ELMO1: variants seen among roughly 807,000 people sequenced by gnomAD.
ELMO1 encodes the protein engulfment and cell motility protein 1.
A neutral mutation model predicts 98.9 loss-of-function variants in ELMO1; 26 were observed. The observed-to-expected ratio is 0.26, with a 90% confidence interval of 0.19 to 0.36. The LOEUF (loss-of-function observed/expected upper bound fraction) is 0.36. Among genes scored for constraint, ELMO1 ranks in the 10% least tolerant of loss-of-function variants. The probability of loss-of-function intolerance (pLI) is 1.00; values close to 1 mark genes in which losing one functional copy is unlikely to be tolerated. For synonymous variants in ELMO1, 346 were observed against 346.0 expected, an observed-to-expected ratio of 1.00 and a Z score of 0.00; for missense variants, 627 against 935.2, an observed-to-expected ratio of 0.67 and a Z score of 4.30.
chr7:37,220,890 C>G (rs1356652228), intron 10 of ELMO1, among the ~76,000 whole-genome samples: 1 of 152,128 alleles, frequency 6.6e-6, no homozygotes, highest in African/African-American at 2.4e-5. Flanking sequence ...ACTCAGCTAC[C>G]ATGTGGCTGG....
chr7:37,026,919 G>A (rs1368280569), intron 15 of ELMO1, among the ~76,000 whole-genome samples: 1 of 152,106 alleles, frequency 6.6e-6, no homozygotes, highest in Non-Finnish European at 1.5e-5. Flanking sequence ...ACACATGACT[G>A]CACTCCCTTC....
chr7:37,381,877 T>C (rs1430278448), intron 1 of ELMO1, among the ~76,000 whole-genome samples: 3 of 152,174 alleles, frequency 2.0e-5, no homozygotes, highest in Admixed American at 2.0e-4. Flanking sequence ...AGGATCCCTC[T>C]GCAAGTTTAT....
chr7:36,878,137 T>C lies in ELMO1; in HGVS notation c.1715-20A>G, dbSNP rs1368466979. The C allele has an allele frequency of 1.3e-6, 2 of 1,582,810 alleles. No individual in the cohort carries two copies. The highest frequency in any genetic ancestry group is 1.7e-6 in the Non-Finnish European group (2 of 1,152,048). On this transcript the variant is annotated intron_variant, in intron 18 of 21. Coordinates refer to ENST00000310758, the MANE Select transcript of ELMO1 (RefSeq NM_014800.11). ...ACTTGTCTGAGAGAAAAAACACAAG[T>C]TTACAAGGTAAGTGATTGTGGTTTA...
chr7:37,246,479 A>G (rs978567735), intron 6 of ELMO1, among the ~76,000 whole-genome samples: 1 of 152,192 alleles, frequency 6.6e-6, no homozygotes, highest in Admixed American at 6.5e-5. Context: ...CAGTAATAAA[A>G]CAAAGAGATA....
intron 15 of ELMO1, among the ~76,000 whole-genome samples, chr7:37,079,418 T>C (rs1269393865): frequency 6.6e-6 from 1 of 152,246 alleles, no homozygotes; most frequent in African/African-American, 2.4e-5. Flanking sequence ...AAAAGGATCA[T>C]GGGCTTGAAG....
intron 6 of ELMO1, among the ~76,000 whole-genome samples, chr7:37,256,928 T>G (rs1228780595): frequency 6.6e-6 from 1 of 152,202 alleles, no homozygotes; most frequent in African/African-American, 2.4e-5. Flanking sequence ...TTCTCAATGA[T>G]ACTTACTCTT....
chr7:37,312,610 T>C (rs903342781), intron 4 of ELMO1, among the ~76,000 whole-genome samples: 2 of 152,122 alleles, frequency 1.3e-5, no homozygotes, highest in Admixed American at 6.5e-5. Context: ...TCTAAAGCCC[T>C]ACATATTTTT....
chr7:37,062,752 C>T (rs1421428067), intron 15 of ELMO1, among the ~76,000 whole-genome samples: 3 of 152,134 alleles, frequency 2.0e-5, no homozygotes, highest in African/African-American at 7.2e-5. Flanking sequence ...AAATTAATCC[C>T]ACTTAGAACA....
intron 14 of ELMO1, among the ~76,000 whole-genome samples, chr7:37,103,231 G>A (rs1387389899): frequency 6.6e-6 from 1 of 152,122 alleles, no homozygotes; most frequent in Non-Finnish European, 1.5e-5. Context: ...TCGCTCTTGG[G>A]AAAAGCTGTT....
At chr7:37,169,576 T>G (rs1483514987) in intron 13 of ELMO1, among the ~76,000 whole-genome samples, 4 of 152,234 alleles carry the variant, frequency 2.6e-5, no homozygotes, top group Admixed American at 2.6e-4. Flanking sequence ...TTGTTAAGAT[T>G]TGCGAGCATT....
chr7:37,278,244 T>A (rs1796958141), intron 4 of ELMO1, among the ~76,000 whole-genome samples: 1 of 150,700 alleles, frequency 6.6e-6, no homozygotes, highest in African/African-American at 2.4e-5. Flanking sequence ...TGCTGTAAGG[T>A]ATTTTGTATA....
intron 13 of ELMO1, among the ~76,000 whole-genome samples, chr7:37,206,607 T>C (rs1175067402): frequency 6.6e-6 from 1 of 152,230 alleles, no homozygotes; most frequent in Non-Finnish European, 1.5e-5. Flanking sequence ...TATACTTGTG[T>C]AACTACAGAT....
At chr7:37,241,976 A>T (rs1794787320) in intron 7 of ELMO1, among the ~76,000 whole-genome samples, 1 of 152,166 alleles carries the variant, frequency 6.6e-6, no homozygotes, top group Non-Finnish European at 1.5e-5. Flanking sequence ...TACAGATCTG[A>T]GTATCTATCT....
intron 15 of ELMO1, among the ~76,000 whole-genome samples, chr7:37,043,573 G>T (rs1321686179): frequency 6.6e-6 from 1 of 152,108 alleles, no homozygotes; most frequent in African/African-American, 2.4e-5. Flanking sequence ...TACTCAAAAG[G>T]GGAAATTCTA....
At chr7:36,896,353 CATATG>C (rs1172594202) in intron 16 of ELMO1, among the ~76,000 whole-genome samples, 1 of 152,162 alleles carries the variant, frequency 6.6e-6, no homozygotes, top group Non-Finnish European at 1.5e-5. Flanking sequence ...AACGAATATG[CATATG>C]ATATATTTCT....
intron 18 of ELMO1, among the ~76,000 whole-genome samples, chr7:36,879,904 A>AT (rs1562791883): frequency 6.6e-6 from 1 of 152,188 alleles, no homozygotes; most frequent in African/African-American, 2.4e-5. Context: ...AATTAGGCAA[A>AT]TGTGTACTTA....
At chr7:37,156,635 T>C (rs1788787031) in intron 13 of ELMO1, among the ~76,000 whole-genome samples, 1 of 152,136 alleles carries the variant, frequency 6.6e-6, no homozygotes. Context: ...TAGTTGAATC[T>C]CTGAATAGAA....
chr7:37,431,945 G>A (rs887719215), intron 1 of ELMO1, among the ~76,000 whole-genome samples: 19 of 152,116 alleles, frequency 1.2e-4, no homozygotes, highest in Admixed American at 7.2e-4. Flanking sequence ...GCAATGGTGC[G>A]ATCTCAGCTC....
chr7:37,425,126 G>A (rs1422966637), intron 1 of ELMO1, among the ~76,000 whole-genome samples: 2 of 152,120 alleles, frequency 1.3e-5, no homozygotes, highest in Admixed American at 6.5e-5. Context: ...CCATAGACTA[G>A]GTGGCTTATT....
Sources: gnomAD v4.1 joint callset for allele counts (sites outside exome capture counted in the v4.1 genomes callset) on GRCh38, gnomAD v4.1.1 for gene constraint, MANE v1.5 for transcripts, NCBI Gene and HGNC (gene_info 2026-07-23, HGNC 2026-07-21) for gene names.